ARMC8: variants seen among roughly 807,000 people sequenced by gnomAD.
The protein encoded by ARMC8 is armadillo repeat-containing protein 8.
Under a neutral mutation model 99.3 loss-of-function variants are expected in ARMC8, and 20 were observed. That is an observed-to-expected ratio of 0.20 (90% CI 0.14 to 0.29). ARMC8 has a LOEUF of 0.29. Ranked by LOEUF, ARMC8 falls within the 10% of genes least tolerant of loss-of-function variation. The pLI is 1.00. For missense variants in ARMC8, 569 were observed against 809.5 expected (o/e 0.70, Z 3.60); for synonymous variants, 263 against 278.3 (o/e 0.95, Z 0.55).
intron 1 of ARMC8, among the ~76,000 whole-genome samples, chr3:138,200,905 T>C (rs1223775222): frequency 8.9e-5 from 4 of 44,714 alleles, no homozygotes; most frequent in Admixed American, 3.3e-4. Context: ...TTCAGTGGGC[T>C]TTTTTTTTTT....
At chr3:138,195,874 A>C (rs964568788) in intron 1 of ARMC8, among the ~76,000 whole-genome samples, 10 of 151,916 alleles carry the variant, frequency 6.6e-5, no homozygotes, top group African/African-American at 2.4e-4. Flanking sequence ...AAAAAAAAAA[A>C]CTGTTTTGAC....
At chr3:138,275,340 G>A (rs1401375469) in intron 18 of ARMC8, among the ~76,000 whole-genome samples, 1 of 152,064 alleles carries the variant, frequency 6.6e-6, no homozygotes, top group Non-Finnish European at 1.5e-5. Flanking sequence ...GGCGGATCAC[G>A]AGGTCAGGAG....
intron 16 of ARMC8, among the ~76,000 whole-genome samples, chr3:138,271,752 A>G (rs1264971657): frequency 1.3e-5 from 2 of 151,732 alleles, no homozygotes; most frequent in African/African-American, 4.9e-5. Flanking sequence ...CTGGAGGGCA[A>G]CAACCACATA....
chr3:138,242,433 T>G (rs1005764277), intron 11 of ARMC8, among the ~76,000 whole-genome samples: 1 of 152,222 alleles, frequency 6.6e-6, no homozygotes, highest in Non-Finnish European at 1.5e-5. Flanking sequence ...TTTCCCAGTT[T>G]CATACTGTGC....
intron 11 of ARMC8, among the ~76,000 whole-genome samples, chr3:138,242,416 TTC>T (rs1299955331): frequency 6.6e-6 from 1 of 152,234 alleles, no homozygotes; most frequent in African/African-American, 2.4e-5. Context: ...TTTCCCTATC[TTC>T]TCTTTTTCCC....
intron 14 of ARMC8, among the ~76,000 whole-genome samples, chr3:138,264,555 G>T (rs1258298343): frequency 9.3e-5 from 14 of 150,858 alleles, no homozygotes; most frequent in Non-Finnish European, 5.9e-5. Flanking sequence ...TAGTAGCTAG[G>T]ACTACAGGTG....
chr3:138,279,371 TAAAC>T (rs1237283017), intron 18 of ARMC8, among the ~76,000 whole-genome samples: 2 of 152,260 alleles, frequency 1.3e-5, no homozygotes, highest in Non-Finnish European at 2.9e-5. Context: ...TTTCAAATGT[TAAAC>T]TAACATATTT....
At chr3:138,218,292 A>C (rs1292878328) in intron 2 of ARMC8, among the ~76,000 whole-genome samples, 1 of 152,140 alleles carries the variant, frequency 6.6e-6, no homozygotes, top group African/African-American at 2.4e-5. Context: ...TTTCACATTC[A>C]GCTTATTTTC....
intron 15 of ARMC8, among the ~76,000 whole-genome samples, chr3:138,268,960 A>T (rs548000445): frequency 1.8e-4 from 27 of 152,288 alleles, no homozygotes; most frequent in African/African-American, 6.5e-4. Flanking sequence ...ATCTAAGATA[A>T]TATCCTTGTT....
chr3:138,230,924 A>G (rs997496113), intron 6 of ARMC8, among the ~76,000 whole-genome samples: 9 of 152,210 alleles, frequency 5.9e-5, no homozygotes, highest in Non-Finnish European at 1.3e-4. Context: ...ATAGAGTACC[A>G]TTAAATCACT....
intron 12 of ARMC8, among the ~76,000 whole-genome samples, chr3:138,259,203 A>G (rs953725444): frequency 6.6e-6 from 1 of 152,170 alleles, no homozygotes; most frequent in African/African-American, 2.4e-5. Flanking sequence ...TTCCAATCCC[A>G]TGTTTGAAAA....
intron 12 of ARMC8, among the ~76,000 whole-genome samples, chr3:138,259,919 T>TA (rs2047603136): frequency 6.6e-6 from 1 of 152,224 alleles, no homozygotes; most frequent in Admixed American, 6.5e-5. Flanking sequence ...CCTTTGTAGA[T>TA]ACTTGTTTCA....
intron 16 of ARMC8, among the ~76,000 whole-genome samples, chr3:138,271,641 G>C (rs1308422514): frequency 1.3e-5 from 2 of 152,082 alleles, no homozygotes; most frequent in African/African-American, 4.8e-5. Context: ...TCTGACCTGG[G>C]TCTCTTGACA....
intron 21 of ARMC8, among the ~76,000 whole-genome samples, chr3:138,295,425 G>A (rs79415683): frequency 2.1e-3 from 323 of 152,208 alleles, no homozygotes; most frequent in African/African-American, 7.1e-3. Context: ...CCATTTCCTC[G>A]GTCAGTTTTC....
At chr3:138,239,980 A>AT (rs2046529207) in intron 10 of ARMC8, among the ~76,000 whole-genome samples, 1 of 152,210 alleles carries the variant, frequency 6.6e-6, no homozygotes, top group African/African-American at 2.4e-5. Flanking sequence ...GAAAACAAGC[A>AT]TTGTCATTGT....
At chr3:138,207,871 A>C (rs2044464114) in intron 1 of ARMC8, among the ~76,000 whole-genome samples, 1 of 152,222 alleles carries the variant, frequency 6.6e-6, no homozygotes, top group African/African-American at 2.4e-5. Flanking sequence ...ATGTGTTAGC[A>C]GGTGCTTTAA....
intron 16 of ARMC8, among the ~76,000 whole-genome samples, chr3:138,271,871 C>A (rs934545298): frequency 9.3e-5 from 14 of 150,506 alleles, no homozygotes; most frequent in African/African-American, 3.5e-4. Flanking sequence ...TCTCAGCTCA[C>A]TGCAACCTCT....
At chr3:138,284,588 A>G (rs2050228182) in intron 19 of ARMC8, 62 bp downstream of exon 19, 25 of 1,229,496 alleles carry the variant, frequency 2.0e-5, no homozygotes, top group Non-Finnish European at 1.2e-6. Flanking sequence ...TTTTTAACTC[A>G]AAATAAATTG....
chr3:138,220,612 A>G (rs1314193537), intron 2 of ARMC8, among the ~76,000 whole-genome samples: 1 of 152,186 alleles, frequency 6.6e-6, no homozygotes, highest in Non-Finnish European at 1.5e-5. Flanking sequence ...GTTAATCGTT[A>G]CCAGGTTCTT....
Sources: allele counts gnomAD v4.1 joint callset (sites outside exome capture counted in the v4.1 genomes callset), GRCh38; gene constraint gnomAD v4.1.1; transcripts MANE v1.5; gene names NCBI Gene and HGNC (gene_info 2026-07-23, HGNC 2026-07-21).